Variants in SEL1L3 observed in about 807,000 individuals in gnomAD.
SEL1L3 encodes the protein protein sel-1 homolog 3.
A neutral mutation model predicts 142.8 loss-of-function variants in SEL1L3; 76 were observed. That is an observed-to-expected ratio of 0.53 (90% CI 0.44 to 0.64). The LOEUF (loss-of-function observed/expected upper bound fraction) is 0.64. Among genes scored for constraint, SEL1L3 ranks in the 30% least tolerant of loss-of-function variants. The pLI, the probability that SEL1L3 is intolerant of heterozygous loss-of-function variation, is 0.00. For synonymous variants in SEL1L3, 504 were observed against 519.6 expected (o/e 0.97, Z 0.41); for missense variants, 1,262 against 1,381.7 (o/e 0.91, Z 1.37).
At chr4:25,811,172 C>T (rs919859824) in intron 9 of SEL1L3, among the ~76,000 whole-genome samples, 1 of 152,102 alleles carries the variant, frequency 6.6e-6, no homozygotes, top group African/African-American at 2.4e-5. Context: ...GGCTGCTTTA[C>T]GTCTTGGAAC....
At chr4:25,856,876 G>A (rs1178446192) in intron 1 of SEL1L3, among the ~76,000 whole-genome samples, 1 of 152,132 alleles carries the variant, frequency 6.6e-6, no homozygotes, top group African/African-American at 2.4e-5. Context: ...TCTCTATCTG[G>A]TCTCCACTTG....
At chr4:25,749,818 C>T (rs770229342) in intron 23 of SEL1L3, among the ~76,000 whole-genome samples, 3 of 152,130 alleles carry the variant, frequency 2.0e-5, no homozygotes, top group Non-Finnish European at 4.4e-5. Flanking sequence ...TTTTGTACGG[C>T]TCGTGGTTTA....
At chr4:25,751,624 G>A (rs1717594918) in intron 23 of SEL1L3, among the ~76,000 whole-genome samples, 1 of 150,582 alleles carries the variant, frequency 6.6e-6, no homozygotes, top group African/African-American at 2.4e-5. Context: ...TTGAAGGAAA[G>A]AATACATATA....
At chr4:25,824,664 C>T (rs1430426729) in intron 6 of SEL1L3, among the ~76,000 whole-genome samples, 1 of 152,196 alleles carries the variant, frequency 6.6e-6, no homozygotes, top group Non-Finnish European at 1.5e-5. Context: ...TGCAGTGGCT[C>T]ATGCCTATAA....
intron 23 of SEL1L3, chr4:25,757,004 A>C: frequency 6.0e-6 from 7 of 1,160,500 alleles, no homozygotes; most frequent in Non-Finnish European, 7.6e-6. Flanking sequence ...GCAGTGGCCC[A>C]CGCCTGTAAT....
At chr4:25,800,417 T>C (rs1225209188) in intron 11 of SEL1L3, among the ~76,000 whole-genome samples, 1 of 152,270 alleles carries the variant, frequency 6.6e-6, no homozygotes, top group Non-Finnish European at 1.5e-5. Flanking sequence ...GGATCTTTTC[T>C]ATTCATCTCC....
chr4:25,811,735 G>A (rs1714035121), intron 9 of SEL1L3, among the ~76,000 whole-genome samples: 1 of 146,120 alleles, frequency 6.8e-6, no homozygotes, highest in African/African-American at 2.6e-5. Context: ...TCTTTGAGGA[G>A]TTTTCTTTTC....
At chr4:25,801,780 G>A (rs1713198848) in intron 11 of SEL1L3, among the ~76,000 whole-genome samples, 1 of 152,152 alleles carries the variant, frequency 6.6e-6, no homozygotes, top group African/African-American at 2.4e-5. Flanking sequence ...ATGGCATGGG[G>A]ACAGACATTT....
the SEL1L3 span, among the ~76,000 whole-genome samples, chr4:25,733,333 G>A: frequency 1.3e-5 from 2 of 151,772 alleles, no homozygotes; most frequent in Non-Finnish European, 2.9e-5. Context: ...TACAGGTCTT[G>A]TAAGCCTTTT....
chr4:25,790,060 C>A (rs1036809206), intron 12 of SEL1L3, among the ~76,000 whole-genome samples: 1 of 152,188 alleles, frequency 6.6e-6, no homozygotes, highest in African/African-American at 2.4e-5. Context: ...CTGATGGATG[C>A]ATCAGTGCAC....
At chr4:25,833,687 C>T (rs545250999) in intron 3 of SEL1L3, 118 bp from the exon 4 acceptor site, 13 of 891,770 alleles carry the variant, frequency 1.5e-5, no homozygotes, top group Admixed American at 3.2e-5. Context: ...AATTTGCCTT[C>T]GCGTTCATCA....
At chr4:25,767,358 G>T (rs1718816604) in intron 19 of SEL1L3, among the ~76,000 whole-genome samples, 167 bp downstream of exon 19, 1 of 152,168 alleles carries the variant, frequency 6.6e-6, no homozygotes, top group Admixed American at 6.5e-5. Context: ...GTAGTGCATT[G>T]TGTGAGGCTG....
intron 8 of SEL1L3, among the ~76,000 whole-genome samples, chr4:25,819,256 T>C (rs1261951997): frequency 6.6e-6 from 1 of 152,238 alleles, no homozygotes; most frequent in Non-Finnish European, 1.5e-5. Context: ...AATATGAGCA[T>C]GCATGAAAGC....
the SEL1L3 span, among the ~76,000 whole-genome samples, chr4:25,731,395 G>T: frequency 6.6e-6 from 1 of 152,118 alleles, no homozygotes; most frequent in Non-Finnish European, 1.5e-5. Context: ...ATGATTTGAT[G>T]AGTTTTGGCA....
chr4:25,823,964 C>T (rs1714933743), intron 6 of SEL1L3, among the ~76,000 whole-genome samples: 1 of 152,174 alleles, frequency 6.6e-6, no homozygotes, highest in East Asian at 1.9e-4. Context: ...AGCACACAGC[C>T]TGGCAGCAAC....
chr4:25,824,562 G>A (rs1714974156), intron 6 of SEL1L3, among the ~76,000 whole-genome samples: 1 of 152,168 alleles, frequency 6.6e-6, no homozygotes, highest in Admixed American at 6.5e-5. Flanking sequence ...CCTTAACCTA[G>A]CCCTCTGTTG....
intron 1 of SEL1L3, among the ~76,000 whole-genome samples, chr4:25,860,059 A>G (rs890335486): frequency 6.6e-6 from 1 of 152,174 alleles, no homozygotes; most frequent in Non-Finnish European, 1.5e-5. Context: ...TTGGGTTTCA[A>G]TCTCAGACTG....
chr4:25,750,942 A>G (rs1282238116), intron 23 of SEL1L3, among the ~76,000 whole-genome samples: 3 of 152,234 alleles, frequency 2.0e-5, no homozygotes, highest in Non-Finnish European at 4.4e-5. Flanking sequence ...TGTACCGAGG[A>G]GCTAGCAGTT....
intron 9 of SEL1L3, among the ~76,000 whole-genome samples, chr4:25,816,070 T>C (rs1003329788): frequency 4.1e-5 from 6 of 147,790 alleles, no homozygotes; most frequent in South Asian, 2.1e-4. Context: ...ACTTATATAA[T>C]AATCTATATT....
Sources: gnomAD v4.1 joint callset for allele counts (sites outside exome capture counted in the v4.1 genomes callset) on GRCh38, gnomAD v4.1.1 for gene constraint, MANE v1.5 for transcripts, NCBI Gene and HGNC (gene_info 2026-07-23, HGNC 2026-07-21) for gene names.